Variants in STAT4 observed in about 807,000 individuals in gnomAD.
The protein encoded by STAT4 is signal transducer and activator of transcription 4.
In STAT4, 42 loss-of-function variants were observed where a neutral mutation model predicts 110.5. That is an observed-to-expected ratio of 0.38 (90% CI 0.30 to 0.49). The LOEUF is 0.49. Among genes scored for constraint, STAT4 ranks in the 20% least tolerant of loss-of-function variants. The pLI is 0.95. For missense variants in STAT4, 632 were observed against 887.9 expected (o/e 0.71, Z 3.66); for synonymous variants, 284 against 302.2 (o/e 0.94, Z 0.63).
At chr2:191,073,323 G>T (rs1697218918) in intron 4 of STAT4, 133 bp from the exon 5 acceptor site, 2 of 681,932 alleles carry the variant, frequency 2.9e-6, no homozygotes, top group East Asian at 2.6e-5. Context: ...AAAAAATCAT[G>T]CTGTAAAAAA....
At chr2:191,136,052 T>A (rs1273387154) in intron 3 of STAT4, among the ~76,000 whole-genome samples, 1 of 145,922 alleles carries the variant, frequency 6.9e-6, no homozygotes. Context: ...TGTGATCAAG[T>A]GGGATTTATC....
chr2:191,150,979 G>T lies in STAT4; in HGVS notation c.-34C>A, dbSNP rs1200264742. 28 of 985,698 alleles carry T rather than the reference G, an allele frequency of 2.8e-5. No homozygotes were observed. The highest frequency in any genetic ancestry group is 3.3e-5 in the Non-Finnish European group (27 of 830,092). The allele number at this position is 985,698 out of a possible 1,614,324, so 61.1% of individuals were successfully genotyped here. ...TCTCTCAGCACAGGTCCCAGGCAGT[G>T]CTCAAGTCCAAAGTCAGAAGCGCCC... On this transcript the variant is annotated 5_prime_UTR_variant, in exon 1 of 24. Transcript: ENST00000392320. The surrounding 1 kb of genome is among the most constrained non-coding windows in gnomAD (Gnocchi z 6.4).
intron 3 of STAT4, among the ~76,000 whole-genome samples, chr2:191,088,541 C>T (rs1697702809): frequency 6.6e-6 from 1 of 152,070 alleles, no homozygotes; most frequent in Admixed American, 6.5e-5. Context: ...CTACAGATTC[C>T]AATCAAAATA....
chr2:191,036,150 CT>C lies in STAT4; in HGVS notation c.1570+13del. On this transcript the variant is annotated intron_variant, in intron 17 of 23. Coordinates refer to ENST00000392320, the MANE Select transcript of STAT4 (RefSeq NM_003151.4). ...AAAAACAGAGGCAAATCCTCTCTAT[CT>C]ACCAGCTCTCACCTGTAAGCTTCTC... The C allele has an allele frequency of 6.2e-7, 1 of 1,613,266 alleles. No homozygotes were observed. The highest frequency in any genetic ancestry group is 8.5e-7 in the Non-Finnish European group (1 of 1,179,532).
chr2:191,057,991 C>T (rs754011523), intron 13 of STAT4, 27 bp downstream of exon 13: 1 of 1,572,858 alleles, frequency 6.4e-7, no homozygotes, highest in Non-Finnish European at 8.7e-7. Context: ...GAAAAAAAAG[C>T]CTGTTTAACT....
In STAT4 at chr2:191,082,898, T is replaced by C. The variant is rs114298421; in HGVS notation, c.274-6573A>G. On this transcript the variant is annotated intron_variant, in intron 3 of 23. Transcript: ENST00000392320. This position sits in a 1 kb window ranked among gnomAD's most constrained non-coding sequence, Gnocchi z 4.7. ...TTTCCCAGTGGCCCTCTTAAAAATG[T>C]AAACACATTTGGAGGGTTAATACCA... Among the ~76,000 whole-genome samples the C allele has an allele frequency of 2.5e-3, 378 of 152,334 alleles. 1 individual carries two copies. Among genetic ancestry groups the C allele is most frequent in the African/African-American group, 8.6e-3 (358 of 41,574 alleles).
intron 3 of STAT4, among the ~76,000 whole-genome samples, chr2:191,102,049 G>T (rs1192690815): frequency 6.7e-6 from 1 of 149,460 alleles, no homozygotes; most frequent in Non-Finnish European, 1.5e-5. Context: ...CTCATTTTAG[G>T]TGGTTAGTTT....
At chr2:191,036,577 A>G (rs937012455) in intron 16 of STAT4, among the ~76,000 whole-genome samples, 17 of 152,330 alleles carry the variant, frequency 1.1e-4, no homozygotes, top group Admixed American at 1.0e-3. Flanking sequence ...AGACTTCTGA[A>G]GAATGCCAAC....
At chr2:191,109,156 G>T (rs1472862848) in intron 3 of STAT4, among the ~76,000 whole-genome samples, 4 of 152,184 alleles carry the variant, frequency 2.6e-5, no homozygotes, top group African/African-American at 9.7e-5. Context: ...GGCATCACTA[G>T]GAGGCAGGGG....
chr2:191,075,422 G>A (rs1229253105), intron 4 of STAT4, among the ~76,000 whole-genome samples: 1 of 152,154 alleles, frequency 6.6e-6, no homozygotes, highest in Admixed American at 6.5e-5. Context: ...CAATCAACAA[G>A]CAAGTATTCA....
rs1188880085 is a variant in STAT4, at chr2:191,143,921, T to G, written c.273+2692A>C. 6.6e-6 allele frequency among the ~76,000 whole-genome samples: 1 copy of G among 152,112 alleles called. No homozygotes were observed. The highest frequency in any genetic ancestry group is 1.5e-5 in the Non-Finnish European group (1 of 68,016). ...AGTAGGTTAAAAAGAAGCATAAAAC[T>G]CAGGTTTGTTTAGGTGTAAAACCAT... On this transcript the variant is annotated intron_variant, in intron 3 of 23. Coordinates refer to ENST00000392320, the MANE Select transcript of STAT4 (RefSeq NM_003151.4). The surrounding 1 kb of genome is among the most constrained non-coding windows in gnomAD (Gnocchi z 5.6).
Position 191,099,992 on chromosome 2 carries a change from A to G in STAT4, c.274-23667T>C, listed in dbSNP as rs1698111391. Among the ~76,000 whole-genome samples the G allele has an allele frequency of 6.6e-6, 1 of 152,146 alleles. No individual in the cohort carries two copies. Among genetic ancestry groups the G allele is most frequent in the Non-Finnish European group, 1.5e-5 (1 of 68,032 alleles). ...TTTTCATTATCATTTGACTTTTTAC[A>G]AAGATTTGCATTATTTAAGCAATCA... On this transcript the variant is annotated intron_variant, in intron 3 of 23. Coordinates refer to ENST00000392320, the MANE Select transcript of STAT4 (RefSeq NM_003151.4). This position sits in a 1 kb window ranked among gnomAD's most constrained non-coding sequence, Gnocchi z 4.1.
upstream of STAT4, chr2:191,151,575 C>T (rs1234362659): frequency 2.0e-6 from 2 of 985,514 alleles, no homozygotes; most frequent in Non-Finnish European, 2.4e-6. This position sits in a 1 kb window ranked among gnomAD's most constrained non-coding sequence, Gnocchi z 4.7. Flanking sequence ...TCCTCCTACT[C>T]TCCTTGAGTA....
At position 191,146,543 on chromosome 2, in the gene STAT4, A is replaced by T. The variant is rs1699464606; in HGVS notation, c.273+70T>A. On this transcript the variant is annotated intron_variant, in intron 3 of 23. Transcript: ENST00000392320. This position sits in a 1 kb window ranked among gnomAD's most constrained non-coding sequence, Gnocchi z 4.5. ...TCATTTGAAAATAATATAAGGGTAC[A>T]TATTTAATTTTTAACTAAATTTAAG... is the stretch of plus-strand genomic sequence containing the variant. The T allele has an allele frequency of 1.6e-6, 2 of 1,264,996 alleles. No homozygotes were observed. The highest frequency in any genetic ancestry group is 2.0e-6 in the Non-Finnish European group (2 of 976,166). 78.4% of individuals were successfully genotyped at this position (1,264,996 alleles called of 1,614,324 possible). A position where few individuals can be genotyped will look rare whatever the true frequency, so the allele number is the denominator to read the frequency against.
In STAT4 at chr2:191,110,376, T is replaced by C. The variant is rs1247759914; in HGVS notation, c.274-34051A>G. On this transcript the variant is annotated intron_variant, in intron 3 of 23. Coordinates refer to ENST00000392320, the MANE Select transcript of STAT4 (RefSeq NM_003151.4). The surrounding 1 kb of genome is among the most constrained non-coding windows in gnomAD (Gnocchi z 4.5). ...GAGGAGCTAGCACTGGGGAATAACATTTGTAAATGTCTTCTATATGCCTTG... is the reference window on the plus strand; with the variant it reads ...GAGGAGCTAGCACTGGGGAATAACACTTGTAAATGTCTTCTATATGCCTTG... 6.6e-6 allele frequency among the ~76,000 whole-genome samples: 1 copy of C among 152,166 alleles called. No homozygotes were observed. The highest frequency in any genetic ancestry group is 1.5e-5 in the Non-Finnish European group (1 of 68,036).
At position 191,051,743 on chromosome 2, in the gene STAT4, C is replaced by T. The variant is rs145200844; in HGVS notation, c.1251+2747G>A. On this transcript the variant is annotated intron_variant, in intron 14 of 23. Transcript: ENST00000392320. This position sits in a 1 kb window ranked among gnomAD's most constrained non-coding sequence, Gnocchi z 5.6. Reference sequence around the variant, plus strand: ...CTCGCCTCTCCCAGGGAAGGTTCTGCGACCCAGAGGCAGCATAGCAGAGGG... The same window carrying T: ...CTCGCCTCTCCCAGGGAAGGTTCTGTGACCCAGAGGCAGCATAGCAGAGGG... Among the ~76,000 whole-genome samples, 265 of 152,278 alleles carry T rather than the reference C, an allele frequency of 1.7e-3. No homozygotes were observed. The highest frequency in any genetic ancestry group is 6.2e-3 in the African/African-American group (256 of 41,556).
Position 191,128,899 on chromosome 2 carries a change from C to T in STAT4, c.273+17714G>A, listed in dbSNP as rs202126381. On this transcript the variant is annotated intron_variant, in intron 3 of 23. Coordinates refer to ENST00000392320, the MANE Select transcript of STAT4 (RefSeq NM_003151.4). ...TGTTCCCTCTACTTTCCTAACACTA[C>T]GTTTTGAGGAATAGCCATAGAAGTT... 3.9e-5 allele frequency among the ~76,000 whole-genome samples: 6 copies of T among 152,268 alleles called. No homozygotes were observed. In the East Asian group the frequency reaches 1.2e-3, roughly 29 times the overall value.
intron 5 of STAT4, 144 bp downstream of exon 5, chr2:191,072,954 A>G: frequency 1.9e-6 from 1 of 537,778 alleles, no homozygotes; most frequent in Non-Finnish European, 3.2e-6. Flanking sequence ...TCTTATATAA[A>G]CATAGTATGT....
In STAT4 at chr2:191,150,675, T is replaced by C. The variant is rs1242010975; in HGVS notation, c.-2+272A>G. Among the ~76,000 whole-genome samples, 2 of 152,050 alleles carry C rather than the reference T, an allele frequency of 1.3e-5. No individual in the cohort carries two copies. The highest frequency in any genetic ancestry group is 4.8e-5 in the African/African-American group (2 of 41,390). On this transcript the variant is annotated intron_variant, in intron 1 of 23. Coordinates refer to ENST00000392320, the MANE Select transcript of STAT4 (RefSeq NM_003151.4). This position sits in a 1 kb window ranked among gnomAD's most constrained non-coding sequence, Gnocchi z 6.4. The stretch of plus-strand genomic sequence containing the variant: ...CTTTCAGCCTCCGCGAGGACACACC[T>C]CCGCAGCCGCCGCAGCTCCCCTGGC...
Sources: allele counts gnomAD v4.1 joint callset (sites outside exome capture counted in the v4.1 genomes callset), GRCh38; gene constraint gnomAD v4.1.1; non-coding constraint Gnocchi (gnomAD v3.1); transcripts MANE v1.5; gene names NCBI Gene and HGNC (gene_info 2026-07-23, HGNC 2026-07-21).